FGGY: variants seen among roughly 807,000 people sequenced by gnomAD.
FGGY encodes the protein FGGY carbohydrate kinase domain containing.
In FGGY, 72 loss-of-function variants were observed where a neutral mutation model predicts 71.3. The ratio of observed to expected loss-of-function variants is 1.01; its 90% CI spans 0.84 to 1.23. The LOEUF is 1.23. Ranked by LOEUF, FGGY falls within the 50% of genes most tolerant of loss-of-function variation. The pLI is 0.00. For synonymous variants in FGGY, 251 were observed against 250.3 expected, an observed-to-expected ratio of 1.00 and a Z score of -0.02; for missense variants, 668 against 682.3, an observed-to-expected ratio of 0.98 and a Z score of 0.23.
chr1:59,637,580 C>T (rs2096973862), intron 10 of FGGY, among the ~76,000 whole-genome samples: 1 of 152,052 alleles, frequency 6.6e-6, no homozygotes, highest in East Asian at 1.9e-4. Flanking sequence ...CCCACCTGGG[C>T]AACAAGACTG....
At chr1:59,752,529 ATCT>A (rs1288000868) in intron 14 of FGGY, among the ~76,000 whole-genome samples, 6 of 152,206 alleles carry the variant, frequency 3.9e-5, no homozygotes, top group African/African-American at 1.4e-4. Flanking sequence ...AAGGTACTAG[ATCT>A]TCTGCTCCCA....
chr1:59,605,948 C>G lies in FGGY; in HGVS notation c.904-1855C>G, dbSNP rs1572000522. 2.6e-5 allele frequency among the ~76,000 whole-genome samples: 4 copies of G among 152,254 alleles called. No individual in the cohort carries two copies. The South Asian group carries it at 8.3e-4, about 32-fold the overall frequency. ...GAATACAACTTGTATGCCTAACTCC[C>G]TTTTCTTCCCTACCCTCTAGCTAAA... is the stretch of plus-strand genomic sequence containing the variant. On this transcript the variant is annotated intron_variant, in intron 8 of 15. Coordinates refer to ENST00000303721, the MANE Select transcript of FGGY (RefSeq NM_018291.5).
At chr1:59,657,552 A>G (rs565429554) in intron 11 of FGGY, among the ~76,000 whole-genome samples, 1 of 151,394 alleles carries the variant, frequency 6.6e-6, no homozygotes, top group East Asian at 1.9e-4. Context: ...GAAAGTGTTC[A>G]GCTCAGGGAT....
intron 2 of FGGY, 36 bp from the exon 3 acceptor site, chr1:59,339,922 T>A: frequency 8.0e-7 from 1 of 1,252,676 alleles, no homozygotes; most frequent in South Asian, 1.3e-5. Flanking sequence ...AAGACCCTGG[T>A]GTTGTAATTT....
At chr1:59,425,413 T>C (rs1270877416) in intron 5 of FGGY, among the ~76,000 whole-genome samples, 1 of 152,146 alleles carries the variant, frequency 6.6e-6, no homozygotes. Context: ...TGCCCCCAAA[T>C]TGTCTGATAT....
chr1:59,484,456 A>G (rs2093599902), intron 6 of FGGY, among the ~76,000 whole-genome samples: 1 of 152,166 alleles, frequency 6.6e-6, no homozygotes, highest in South Asian at 2.1e-4. Flanking sequence ...GTGATGCAGT[A>G]GAAATCTGGT....
rs747772630 is a variant in FGGY, at chr1:59,325,375, C to CAACAACAACAACAACAACAACAACAAA, written c.201+3636_201+3637insCAACAACAACAACAAAAACAACAACAA. Among the ~76,000 whole-genome samples, 328 of 152,096 alleles carry CAACAACAACAACAACAACAACAACAAA rather than the reference C, an allele frequency of 2.2e-3. 1 individual carries two copies. Among genetic ancestry groups the CAACAACAACAACAACAACAACAACAAA allele is most frequent in the South Asian group, 0.021 (102 of 4,814 alleles). On this transcript the variant is annotated intron_variant, in intron 2 of 15. Coordinates refer to ENST00000303721, the MANE Select transcript of FGGY (RefSeq NM_018291.5). ...CCGTGTCCAACAACAGCAACAACAA[C>CAACAACAACAACAACAACAACAACAAA]AACAACAACAAAAACAGTAAGCTTA...
chr1:59,365,817 T>G (rs1248130901), intron 4 of FGGY, among the ~76,000 whole-genome samples: 1 of 152,246 alleles, frequency 6.6e-6, no homozygotes, highest in Admixed American at 6.5e-5. Flanking sequence ...GAGTGAATCT[T>G]GTTGACTTAT....
At chr1:59,299,581 A>C (rs1223912292) in intron 1 of FGGY, among the ~76,000 whole-genome samples, 1 of 152,190 alleles carries the variant, frequency 6.6e-6, no homozygotes. Context: ...CAGTGCCACA[A>C]AAGAAATAGC....
chr1:59,519,854 T>A (rs1311697840), intron 7 of FGGY, among the ~76,000 whole-genome samples: 1 of 152,236 alleles, frequency 6.6e-6, no homozygotes, highest in South Asian at 2.1e-4. Context: ...ATAGCAAGAT[T>A]TGAAATTGAG....
chr1:59,548,968 A>T (rs2095567244), intron 7 of FGGY, among the ~76,000 whole-genome samples: 1 of 152,218 alleles, frequency 6.6e-6, no homozygotes, highest in Non-Finnish European at 1.5e-5. Context: ...AAATCACATG[A>T]TGAATGAGTC....
intron 8 of FGGY, among the ~76,000 whole-genome samples, chr1:59,607,533 A>G (rs957777202): frequency 2.0e-5 from 3 of 152,148 alleles, no homozygotes; most frequent in Non-Finnish European, 4.4e-5. Flanking sequence ...CACCTTTGCA[A>G]TCTCTGCCAT....
chr1:59,489,282 G>C (rs1226648346), intron 6 of FGGY, among the ~76,000 whole-genome samples: 1 of 152,010 alleles, frequency 6.6e-6, no homozygotes, highest in Non-Finnish European at 1.5e-5. Context: ...GTTAACTATA[G>C]TTATTCTACA....
chr1:59,699,360 A>G (rs756808276), intron 14 of FGGY: 356 of 985,362 alleles, frequency 3.6e-4, no homozygotes, highest in Admixed American at 7.4e-4. Flanking sequence ...ATAGTTATTG[A>G]AAGTGTTTCA....
chr1:59,729,391 T>G (rs2097995370), intron 14 of FGGY, among the ~76,000 whole-genome samples: 1 of 152,204 alleles, frequency 6.6e-6, no homozygotes, highest in Non-Finnish European at 1.5e-5. Flanking sequence ...CTTTCTCTCT[T>G]TGGACTGTGT....
At chr1:59,576,472 A>T (rs1215862697) in intron 8 of FGGY, among the ~76,000 whole-genome samples, 2 of 152,110 alleles carry the variant, frequency 1.3e-5, no homozygotes, top group Non-Finnish European at 2.9e-5. Flanking sequence ...AGCCTAGATG[A>T]CGGGTTGATA....
At chr1:59,609,165 G>A (rs141426437) in intron 9 of FGGY, among the ~76,000 whole-genome samples, 10 of 152,290 alleles carry the variant, frequency 6.6e-5, no homozygotes, top group East Asian at 5.8e-4. Flanking sequence ...GAAAAATAAC[G>A]GCTAATTTGA....
At chr1:59,693,537 GAGA>G (rs771714645) in intron 14 of FGGY, among the ~76,000 whole-genome samples, 3 of 152,208 alleles carry the variant, frequency 2.0e-5, no homozygotes, top group Non-Finnish European at 2.9e-5. Context: ...AGTGGTGGTG[GAGA>G]AGAAGAAGAG....
At chr1:59,682,755 A>T (rs2097513365) in intron 14 of FGGY, among the ~76,000 whole-genome samples, 1 of 152,212 alleles carries the variant, frequency 6.6e-6, no homozygotes, top group African/African-American at 2.4e-5. Context: ...GAATCTTCAG[A>T]AGCACTTGGA....
Sources: gnomAD v4.1 joint callset for allele counts (sites outside exome capture counted in the v4.1 genomes callset) on GRCh38, gnomAD v4.1.1 for gene constraint, MANE v1.5 for transcripts, NCBI Gene and HGNC (gene_info 2026-07-23, HGNC 2026-07-21) for gene names.